Variants in SNX29 observed in about 807,000 individuals in gnomAD.
SNX29 encodes sorting nexin 29.
In SNX29, 78 loss-of-function variants were observed where a neutral mutation model predicts 102.1. That is an observed-to-expected ratio of 0.76 (90% CI 0.64 to 0.92). The LOEUF is 0.92. Among genes scored for constraint, SNX29 ranks in the 40% least tolerant of loss-of-function variants. SNX29 has a pLI of 0.00. For synonymous variants in SNX29, 580 were observed against 414.5 expected (o/e 1.40, Z -4.85); for missense variants, 1,280 against 1,061.7 (o/e 1.21, Z -2.86).
chr16:12,154,584 C>T (rs1027044451), intron 13 of SNX29, among the ~76,000 whole-genome samples: 1 of 152,250 alleles, frequency 6.6e-6, no homozygotes, highest in Non-Finnish European at 1.5e-5. Context: ...GGCCTGAACT[C>T]TGTCTTTCAC....
At chr16:12,164,039 T>C (rs1403881001) in intron 13 of SNX29, among the ~76,000 whole-genome samples, 1 of 152,094 alleles carries the variant, frequency 6.6e-6, no homozygotes, top group East Asian at 1.9e-4. Context: ...GGAATATCTT[T>C]TGGTTGGGAG....
At chr16:12,457,257 C>T (rs555161478) in intron 18 of SNX29, among the ~76,000 whole-genome samples, 51 of 152,250 alleles carry the variant, frequency 3.3e-4, no homozygotes, top group Non-Finnish European at 4.9e-4. Flanking sequence ...TAATACTATC[C>T]CCGCTCTATA....
intron 20 of SNX29, chr16:12,561,270 GC>G (rs1469905050): frequency 2.2e-5 from 5 of 230,038 alleles, no homozygotes; most frequent in South Asian, 1.8e-4. Flanking sequence ...GATCCAAGGG[GC>G]TAAGACACAG....
rs569117704 is a variant in SNX29, at chr16:12,118,975, C to T, written c.1403-7658C>T. On this transcript the variant is annotated intron_variant, in intron 11 of 20. Coordinates refer to ENST00000566228, the MANE Select transcript of SNX29 (RefSeq NM_032167.5). ...GTAAAAATGGCGGTGCAAATGTGTGCTAATTACCTTGACATTTCCAAGCTG... is the reference window on the plus strand; with the variant it reads ...GTAAAAATGGCGGTGCAAATGTGTGTTAATTACCTTGACATTTCCAAGCTG... Among the ~76,000 whole-genome samples, 18 of 152,326 alleles carry T rather than the reference C, an allele frequency of 1.2e-4. No homozygotes were observed. The South Asian group carries it at 3.7e-3, about 32-fold the overall frequency.
At chr16:12,111,576 A>C (rs1295934021) in intron 11 of SNX29, among the ~76,000 whole-genome samples, 1 of 152,184 alleles carries the variant, frequency 6.6e-6, no homozygotes, top group East Asian at 1.9e-4. Flanking sequence ...CAAGGAAAGC[A>C]AGTGCCTGCT....
intron 20 of SNX29, among the ~76,000 whole-genome samples, chr16:12,538,563 C>T (rs556294656): frequency 2.0e-5 from 3 of 152,086 alleles, no homozygotes; most frequent in South Asian, 2.1e-4. Context: ...CTTAACTGGT[C>T]TTAGCTGAGC....
At chr16:12,066,415 C>A (rs978452527) in intron 9 of SNX29, among the ~76,000 whole-genome samples, 9 of 152,124 alleles carry the variant, frequency 5.9e-5, no homozygotes, top group Admixed American at 3.9e-4. Context: ...AGCTTACAGC[C>A]TAGTGCGACA....
chr16:12,300,353 G>A (rs1336535034), intron 15 of SNX29, among the ~76,000 whole-genome samples: 1 of 152,042 alleles, frequency 6.6e-6, no homozygotes. Flanking sequence ...TCCCCATAAT[G>A]CCTTGGAGAC....
intron 11 of SNX29, among the ~76,000 whole-genome samples, chr16:12,086,560 G>C (rs2052202090): frequency 6.6e-6 from 1 of 152,010 alleles, no homozygotes; most frequent in Admixed American, 6.6e-5. Context: ...GAAGGTGCAT[G>C]CCACCCCGCC....
At chr16:12,383,776 T>G (rs529312807) in intron 16 of SNX29, among the ~76,000 whole-genome samples, 1 of 147,752 alleles carries the variant, frequency 6.8e-6, no homozygotes, top group East Asian at 1.9e-4. Flanking sequence ...AACTTTCTTT[T>G]TTTTTTTTTT....
chr16:12,565,016 G>T (rs576476817), intron 20 of SNX29, among the ~76,000 whole-genome samples: 1 of 151,852 alleles, frequency 6.6e-6, no homozygotes, highest in East Asian at 1.9e-4. Context: ...ACTGTTGGAC[G>T]CCAGTCCTGG....
chr16:12,308,062 A>G (rs1045849144), intron 15 of SNX29, among the ~76,000 whole-genome samples: 3 of 152,222 alleles, frequency 2.0e-5, no homozygotes, highest in Non-Finnish European at 4.4e-5. Context: ...GACAGGGTCT[A>G]CCTCAGCTCT....
chr16:12,434,890 C>T (rs926282215), intron 18 of SNX29, among the ~76,000 whole-genome samples: 13 of 140,110 alleles, frequency 9.3e-5, no homozygotes, highest in African/African-American at 3.2e-4. Flanking sequence ...ACGTCTGTTA[C>T]AAAGTATAAA....
intron 8 of SNX29, among the ~76,000 whole-genome samples, chr16:12,058,389 C>T (rs968750310): frequency 6.6e-6 from 1 of 150,614 alleles, no homozygotes; most frequent in Non-Finnish European, 1.5e-5. Flanking sequence ...TTAAGCCAAT[C>T]AAGGCACCAG....
At chr16:12,377,256 T>C (rs2082909191) in intron 16 of SNX29, among the ~76,000 whole-genome samples, 1 of 152,190 alleles carries the variant, frequency 6.6e-6, no homozygotes, top group South Asian at 2.1e-4. Flanking sequence ...AAGAATCCCG[T>C]AATGTCCTGA....
chr16:12,161,181 C>T (rs1305209136), intron 13 of SNX29, among the ~76,000 whole-genome samples: 1 of 152,254 alleles, frequency 6.6e-6, no homozygotes, highest in East Asian at 1.9e-4. Context: ...ATTCATGGCC[C>T]TTGAAGCCAT....
At chr16:12,343,670 C>G (rs145124531) in intron 15 of SNX29, among the ~76,000 whole-genome samples, 1 of 147,768 alleles carries the variant, frequency 6.8e-6, no homozygotes, top group Non-Finnish European at 1.5e-5. Context: ...TGTCTGAGAA[C>G]CGTTGACCAC....
intron 19 of SNX29, among the ~76,000 whole-genome samples, chr16:12,515,905 C>G (rs907477458): frequency 6.6e-6 from 1 of 152,122 alleles, no homozygotes; most frequent in African/African-American, 2.4e-5. Context: ...GAGTTAACTT[C>G]TCATTCATGT....
chr16:12,304,616 C>T (rs1054650789), intron 15 of SNX29, among the ~76,000 whole-genome samples: 15 of 152,182 alleles, frequency 9.9e-5, no homozygotes, highest in African/African-American at 2.4e-4. Context: ...TGGTCTTGAA[C>T]GCCTGACCTC....
Sources: allele counts gnomAD v4.1 joint callset (sites outside exome capture counted in the v4.1 genomes callset), GRCh38; gene constraint gnomAD v4.1.1; transcripts MANE v1.5; gene names NCBI Gene and HGNC (gene_info 2026-07-23, HGNC 2026-07-21).